Variants in CUX2 observed in about 807,000 individuals in gnomAD.
CUX2 encodes cut like homeobox 2.
A neutral mutation model predicts 144.8 loss-of-function variants in CUX2; 40 were observed. That is an observed-to-expected ratio of 0.28 (90% confidence interval 0.21 to 0.36). The LOEUF is 0.36. CUX2 is among the 10% of genes least tolerant of loss of function. The probability of loss-of-function intolerance (pLI) is 1.00; values close to 1 mark genes in which losing one functional copy is unlikely to be tolerated. For synonymous variants in CUX2, 827 were observed against 875.6 expected (o/e 0.94, Z 0.98); for missense variants, 1,615 against 1,994.0 (o/e 0.81, Z 3.62).
chr12:111,095,282 A>G (rs544655869), intron 1 of CUX2, among the ~76,000 whole-genome samples: 7 of 152,002 alleles, frequency 4.6e-5, no homozygotes, highest in Non-Finnish European at 1.0e-4. Flanking sequence ...AACATGGTAA[A>G]ACCCCATCTC....
intron 1 of CUX2, among the ~76,000 whole-genome samples, chr12:111,079,298 C>T (rs1871731970): frequency 6.6e-6 from 1 of 152,230 alleles, no homozygotes; most frequent in Admixed American, 6.5e-5. Context: ...CTGGTAGCCT[C>T]TGAGTTTATG....
At chr12:111,045,172 C>T (rs2136005778) in intron 1 of CUX2, among the ~76,000 whole-genome samples, 1 of 152,292 alleles carries the variant, frequency 6.6e-6, no homozygotes, top group East Asian at 1.9e-4. Context: ...GAGAAAGCGG[C>T]CTGGGTCTCT....
intron 1 of CUX2, among the ~76,000 whole-genome samples, chr12:111,106,319 G>A (rs577096410): frequency 6.6e-6 from 1 of 151,276 alleles, no homozygotes; most frequent in Non-Finnish European, 1.5e-5. Context: ...CCCAGCCCCA[G>A]CTAATATTTT....
chr12:111,100,687 T>G (rs982141187), intron 1 of CUX2, among the ~76,000 whole-genome samples: 5 of 152,196 alleles, frequency 3.3e-5, no homozygotes, highest in African/African-American at 1.2e-4. Flanking sequence ...GTGAGTTGTG[T>G]GCATGTATTT....
intron 3 of CUX2, among the ~76,000 whole-genome samples, chr12:111,240,654 A>T (rs876027): frequency 0.29 from 44,597 of 151,852 alleles, 7,634 homozygotes; most frequent in East Asian, 0.65. Context: ...CACCTCATCC[A>T]CCCTCATGTC....
At chr12:111,080,509 G>A (rs1377228594) in intron 1 of CUX2, among the ~76,000 whole-genome samples, 1 of 150,266 alleles carries the variant, frequency 6.7e-6, no homozygotes, top group African/African-American at 2.5e-5. Context: ...CCATCTCTCT[G>A]TCTCTCTAAA....
intron 2 of CUX2, among the ~76,000 whole-genome samples, chr12:111,214,553 A>C (rs1159753746): frequency 2.0e-5 from 3 of 152,108 alleles, no homozygotes; most frequent in South Asian, 4.2e-4. Context: ...GGCGCTGTGA[A>C]ACATCCATTT....
intron 1 of CUX2, among the ~76,000 whole-genome samples, chr12:111,156,731 A>G (rs1006612242): frequency 1.3e-5 from 2 of 152,196 alleles, no homozygotes; most frequent in Non-Finnish European, 2.9e-5. Flanking sequence ...TAATCCCAGC[A>G]CTTTGGGAGG....
Position 111,348,562 on chromosome 12 carries a change from C to G in CUX2, c.*237C>G, listed in dbSNP as rs977428214. ...CCCCTGCTCCTCTTCACCCTGACCC[C>G]TCTGCAGGAGGCAGAAGCAAAATGG... On this transcript the variant is annotated 3_prime_UTR_variant, in exon 22 of 22. Coordinates refer to ENST00000261726, the MANE Select transcript of CUX2 (RefSeq NM_015267.4). 6.3e-6 allele frequency: 3 copies of G among 477,554 alleles called. No homozygotes were observed. Among genetic ancestry groups the G allele is most frequent in the African/African-American group, 5.9e-5 (3 of 51,240 alleles). The allele number at this position is 477,554 out of a possible 1,614,324, so 29.6% of individuals were successfully genotyped here.
At chr12:111,326,827 C>A (rs1887844831) in intron 18 of CUX2, among the ~76,000 whole-genome samples, 1 of 152,126 alleles carries the variant, frequency 6.6e-6, no homozygotes, top group East Asian at 1.9e-4. Context: ...TCGCTTGAAC[C>A]CAGGAAGCAG....
intron 2 of CUX2, among the ~76,000 whole-genome samples, chr12:111,217,003 G>T (rs1424348304): frequency 6.6e-6 from 1 of 152,196 alleles, no homozygotes; most frequent in Non-Finnish European, 1.5e-5. Context: ...ATTGTGATGG[G>T]GGAGTCACAC....
intron 1 of CUX2, among the ~76,000 whole-genome samples, chr12:111,121,028 G>GC (rs1874623272): frequency 6.7e-6 from 1 of 148,758 alleles, no homozygotes; most frequent in Non-Finnish European, 1.5e-5. Flanking sequence ...ACTTTTAAGG[G>GC]TTCTACGCTT....
At chr12:111,288,885 C>T (rs1885533041) in intron 4 of CUX2, among the ~76,000 whole-genome samples, 1 of 152,118 alleles carries the variant, frequency 6.6e-6, no homozygotes, top group Non-Finnish European at 1.5e-5. Flanking sequence ...GTTGCTTGAA[C>T]TCAGGAGGCG....
rs1014263538 is a variant in CUX2, at chr12:111,186,356, A to C, written c.64-27844A>C. Among the ~76,000 whole-genome samples, 5 of 152,144 alleles carry C rather than the reference A, an allele frequency of 3.3e-5. No homozygotes were observed. Among genetic ancestry groups the C allele is most frequent in the African/African-American group, 1.2e-4 (5 of 41,430 alleles). Reference sequence around the variant, plus strand: ...CCCTGCCTTCAGGGGTGGACACTCCATGGGGGACGCAGGTGCTGAGAAAGT... The same window carrying C: ...CCCTGCCTTCAGGGGTGGACACTCCCTGGGGGACGCAGGTGCTGAGAAAGT... On this transcript the variant is annotated intron_variant, in intron 1 of 21. Coordinates refer to ENST00000261726, the MANE Select transcript of CUX2 (RefSeq NM_015267.4). This position sits in a 1 kb window ranked among gnomAD's most constrained non-coding sequence, Gnocchi z 4.4.
At chr12:111,318,228 A>AT (rs774135980) in intron 16 of CUX2, among the ~76,000 whole-genome samples, 7 of 120,182 alleles carry the variant, frequency 5.8e-5, no homozygotes, top group African/African-American at 1.6e-4. Context: ...TGCCTGGCTA[A>AT]TTTTTTTTTC....
chr12:111,280,243 C>T (rs746921269), intron 4 of CUX2, among the ~76,000 whole-genome samples: 2 of 152,068 alleles, frequency 1.3e-5, no homozygotes, highest in Non-Finnish European at 2.9e-5. Flanking sequence ...GAGCCAAGAT[C>T]GCGCTACCCT....
At chr12:111,339,599 G>A (rs568332392) in intron 20 of CUX2, 1 of 152,330 alleles carries the variant, frequency 6.6e-6, no homozygotes, top group South Asian at 2.1e-4. Flanking sequence ...TATTTGGATG[G>A]AAGATAAGCT....
At chr12:111,276,647 GTTTT>G (rs1345721801) in intron 4 of CUX2, among the ~76,000 whole-genome samples, 3 of 142,834 alleles carry the variant, frequency 2.1e-5, no homozygotes, top group Non-Finnish European at 3.2e-5. Flanking sequence ...TTGTTTGTTT[GTTTT>G]GTTTTGTTTT....
At chr12:111,089,657 T>C (rs1442934589) in intron 1 of CUX2, among the ~76,000 whole-genome samples, 2 of 152,124 alleles carry the variant, frequency 1.3e-5, no homozygotes, top group East Asian at 3.9e-4. Context: ...AGCTGAGAGC[T>C]GAAAGATGGC....
Sources: allele counts gnomAD v4.1 joint callset (sites outside exome capture counted in the v4.1 genomes callset), GRCh38; gene constraint gnomAD v4.1.1; non-coding constraint Gnocchi (gnomAD v3.1); transcripts MANE v1.5; gene names NCBI Gene and HGNC (gene_info 2026-07-23, HGNC 2026-07-21).